The following DDB1 variants were observed in gnomAD, a reference collection of about 807,000 sequenced individuals.
The protein encoded by DDB1 is damage specific DNA binding protein 1.
Under a neutral mutation model 133.1 loss-of-function variants are expected in DDB1, and 18 were observed. That is an observed-to-expected ratio of 0.14 (90% CI 0.09 to 0.20). The LOEUF (loss-of-function observed/expected upper bound fraction) is 0.20, where lower values mean the gene tolerates loss of function less well. Among genes scored for constraint, DDB1 ranks in the 10% least tolerant of loss-of-function variants. DDB1 has a pLI of 1.00. For synonymous variants in DDB1, 580 were observed against 550.5 expected (o/e 1.05, Z -0.75); for missense variants, 828 against 1,459.2 (o/e 0.57, Z 7.05).
intron 4 of DDB1, among the ~76,000 whole-genome samples, chr11:61,327,873 G>A (rs1226701184): frequency 6.6e-6 from 1 of 152,236 alleles, no homozygotes; most frequent in African/African-American, 2.4e-5. Context: ...AGCTCCTGAA[G>A]CATGAATACC....
At chr11:61,301,332 CA>C (rs1336042727) in intron 25 of DDB1, 1 of 156,274 alleles carries the variant, frequency 6.4e-6, no homozygotes, top group Non-Finnish European at 1.4e-5. Context: ...GAGGTTGAGG[CA>C]GGGGGATCGT....
intron 21 of DDB1, among the ~76,000 whole-genome samples, chr11:61,305,743 C>CA (rs1855873191): frequency 1.3e-5 from 2 of 152,152 alleles, no homozygotes; most frequent in Admixed American, 1.3e-4. Flanking sequence ...TAAAGCCAGA[C>CA]ACCACCAGAA....
chr11:61,300,546 T>C (rs1386745228), intron 26 of DDB1, among the ~76,000 whole-genome samples: 2 of 152,188 alleles, frequency 1.3e-5, no homozygotes, highest in African/African-American at 4.8e-5. Context: ...TTGCTAAAGA[T>C]CCCAGATATG....
Position 61,313,616 on chromosome 11 carries a change from G to C in DDB1, c.1952C>G (p.Ala651Gly). 1.9e-6 allele frequency: 3 copies of C among 1,614,164 alleles called. No individual in the cohort carries two copies. The highest frequency in any genetic ancestry group is 2.5e-6 in the Non-Finnish European group (3 of 1,180,040). ...FRSLSTTNVF[A>G]CSDRPTVIYS... ...GATGACAGTGGGGCGGTCAGAACAA[G>C]CAAAGACGTTGGTGGTAGAAAGAGA... is the stretch of plus-strand genomic sequence containing the variant. The change falls in exon 16 of 27, where the codon GCT becomes GGT. Residue 651 changes from alanine to glycine, a missense_variant. Physicochemically the swap from Ala to Gly is moderately conservative, Grantham distance 60. Coordinates refer to ENST00000301764, the MANE Select transcript of DDB1 (RefSeq NM_001923.5).
At chr11:61,307,079 G>A (rs28720344) in intron 21 of DDB1, among the ~76,000 whole-genome samples, 517 of 152,254 alleles carry the variant, frequency 3.4e-3, no homozygotes, top group Admixed American at 7.0e-3. Context: ...TCTGTCACTC[G>A]GTTTGAGATC....
In DDB1 at chr11:61,316,587, T is replaced by G. The variant is rs1276805603; in HGVS notation, c.1226-20A>C. On this transcript the variant is annotated intron_variant, in intron 10 of 26. Transcript: ENST00000301764. ...ATAATCCTGGAACAAGGACCAAGGA[T>G]TCAGATGCATAGGACAGACCAACAC... 2.5e-6 allele frequency: 4 copies of G among 1,613,452 alleles called. No individual in the cohort carries two copies. In the African/African-American group the frequency reaches 4.0e-5, roughly 16 times the overall value.
intron 21 of DDB1, among the ~76,000 whole-genome samples, chr11:61,306,435 C>T (rs920322163): frequency 6.6e-6 from 1 of 152,184 alleles, no homozygotes; most frequent in African/African-American, 2.4e-5. Context: ...CACACAACCA[C>T]CATCACCCAC....
rs761721004 is a variant in DDB1 at position 61,313,998 on chromosome 11, G to C, written c.1754-29C>G. On this transcript the variant is annotated intron_variant, in intron 14 of 26. Transcript: ENST00000301764. ...TGAGAAAGGGGGACATTATGTTCTT[G>C]TTCCACATTTTGACTCTGTCCCAAC... The C allele has an allele frequency of 3.7e-6, 6 of 1,614,082 alleles. No homozygotes were observed. The South Asian group carries it at 6.6e-5, about 18-fold the overall frequency.
intron 10 of DDB1, among the ~76,000 whole-genome samples, chr11:61,317,338 CTCCT>C: frequency 6.6e-6 from 1 of 151,720 alleles, no homozygotes; most frequent in Non-Finnish European, 1.5e-5. Flanking sequence ...TGGTCTCGAT[CTCCT>C]GACCTCGTGA....
At chr11:61,316,029 T>C (rs1187911708) in intron 12 of DDB1, 3 of 372,054 alleles carry the variant, frequency 8.1e-6, no homozygotes, top group Non-Finnish European at 9.6e-6. Flanking sequence ...TTTATATATA[T>C]AATGACCCGA....
At chr11:61,311,954 A>AC in intron 17 of DDB1, 35 bp downstream of exon 17, 1 of 1,613,316 alleles carries the variant, frequency 6.2e-7, no homozygotes, top group African/African-American at 1.3e-5. Flanking sequence ...CCCTACACCA[A>AC]CCCCCACTTC....
intron 9 of DDB1, chr11:61,322,012 T>C (rs1856188222): frequency 1.9e-6 from 1 of 538,976 alleles, no homozygotes; most frequent in South Asian, 2.7e-5. Context: ...TAGGTGACTT[T>C]GGAAAAAGTT....
Position 61,312,976 on chromosome 11 carries a change from C to T in DDB1, c.2069+523G>A, listed in dbSNP as rs148498730. ...TACAGGCACACACCACCATACCTGG[C>T]TAATTTTTGTATTTTTATTAGAGAC... On this transcript the variant is annotated intron_variant, in intron 16 of 26. Transcript: ENST00000301764. Among the ~76,000 whole-genome samples the T allele has an allele frequency of 3.3e-3, 509 of 152,262 alleles. 1 individual carries two copies. The highest frequency in any genetic ancestry group is 0.014 in the Middle Eastern group (4 of 294).
At chr11:61,310,520 T>G in intron 18 of DDB1, 102 bp from the exon 19 acceptor site, 63 of 1,317,286 alleles carry the variant, frequency 4.8e-5, no homozygotes, top group Non-Finnish European at 5.9e-5. Context: ...AGGCTGCAGC[T>G]AGCCAAGAAC....
At chr11:61,330,894 G>A (rs1187015962) in intron 2 of DDB1, among the ~76,000 whole-genome samples, 4 of 152,160 alleles carry the variant, frequency 2.6e-5, no homozygotes, top group Admixed American at 2.0e-4. Context: ...GACCTCACGT[G>A]ATCCACCCAC....
chr11:61,303,893 T>A lies in DDB1; in HGVS notation c.2804A>T (p.Tyr935Phe). Residue 935 changes from tyrosine (Y) to phenylalanine (F), a missense_variant, in exon 22 of 27, where the codon TAC becomes TTC. By Grantham distance (22) the Tyr-to-Phe change is conservative. Around this residue, in one of 7 missense-constraint regions of DDB1, gnomAD observed 36 missense variants for 139.9 expected, o/e 0.26. Coordinates refer to ENST00000301764, the MANE Select transcript of DDB1 (RefSeq NM_001923.5). ...DLMRSVLLLAYKPMEGNFEEI... is the reference protein window; with the variant it reads ...DLMRSVLLLAFKPMEGNFEEI... ...TTCAAAGTTTCCTTCCATGGGCTTG[T>A]AGGCAAGCAGCAGCACTGAGCGCAT... 1 of 1,613,982 alleles carries A rather than the reference T, an allele frequency of 6.2e-7. No homozygotes were observed. Among genetic ancestry groups the A allele is most frequent in the African/African-American group, 1.3e-5 (1 of 74,984 alleles).
At position 61,299,794 on chromosome 11, in the gene DDB1, CAT is replaced by C; in HGVS notation, c.*340_*341del. 10 of 388,458 alleles carry C rather than the reference CAT, an allele frequency of 2.6e-5. No individual in the cohort carries two copies. The highest frequency in any genetic ancestry group is 4.4e-5 in the Non-Finnish European group (9 of 203,966). 24.1% of individuals were successfully genotyped at this position (388,458 alleles called of 1,614,324 possible). ...TGTGAGATACACATACACACACACA[CAT>C]ACACACACACACACGCACAGCTTCC... On this transcript the variant is annotated 3_prime_UTR_variant, in exon 27 of 27. Coordinates refer to ENST00000301764, the MANE Select transcript of DDB1 (RefSeq NM_001923.5).
chr11:61,326,786 C>T lies in DDB1; in HGVS notation c.657G>A (p.Val219=). 6.2e-7 allele frequency: 1 copy of T among 1,614,078 alleles called. No homozygotes were observed. The highest frequency in any genetic ancestry group is 2.2e-5 in the East Asian group (1 of 44,886). ...QENVEAEASM[V]IAVPEPFGGA... is the part of the protein sequence containing the mutation. ...CCTAAACCCCCTACCAACCTGCGAT[C>T]ACCATGGAAGCTTCAGCTTCGACAT... Residue 219 remains valine, a synonymous_variant, in exon 5 of 27, where the codon GTG becomes GTA. Coordinates refer to ENST00000301764, the MANE Select transcript of DDB1 (RefSeq NM_001923.5).
intron 3 of DDB1, 53 bp from the exon 4 acceptor site, chr11:61,329,637 G>A: frequency 1.3e-6 from 2 of 1,519,674 alleles, no homozygotes; most frequent in African/African-American, 1.4e-5. Context: ...CAGAGCAACA[G>A]AGGACGCTGG....
Sources: gnomAD v4.1 joint callset for allele counts (sites outside exome capture counted in the v4.1 genomes callset) on GRCh38, gnomAD v4.1.1 for gene constraint, gnomAD v4.1.1 regional missense constraint, MANE v1.5 for transcripts, NCBI Gene and HGNC (gene_info 2026-07-23, HGNC 2026-07-21) for gene names.